The following PWWP2A variants were observed in gnomAD, a reference collection of about 807,000 sequenced individuals.
PWWP2A encodes the protein PWWP domain-containing protein 2A.
A neutral mutation model predicts 48.5 loss-of-function variants in PWWP2A; 18 were observed. That is an observed-to-expected ratio of 0.37 (90% confidence interval 0.26 to 0.55). The LOEUF (loss-of-function observed/expected upper bound fraction) is 0.55, where lower values mean the gene tolerates loss of function less well. Among genes scored for constraint, PWWP2A ranks in the 20% least tolerant of loss-of-function variants. PWWP2A has a pLI of 0.81. For missense variants in PWWP2A, 867 were observed against 976.4 expected, an observed-to-expected ratio of 0.89 and a Z score of 1.49; for synonymous variants, 396 against 387.7, an observed-to-expected ratio of 1.02 and a Z score of -0.25.
the PWWP2A span, among the ~76,000 whole-genome samples, chr5:160,046,087 C>T: frequency 6.6e-6 from 1 of 152,104 alleles, no homozygotes; most frequent in Non-Finnish European, 1.5e-5. Flanking sequence ...CCAATATTCT[C>T]CTTCAATTGC....
Position 160,093,183 on chromosome 5 carries a change from A to G in PWWP2A, c.1467T>C (p.Ser489=), listed in dbSNP as rs1278579689. The G allele has an allele frequency of 1.2e-6, 2 of 1,613,812 alleles. No individual in the cohort carries two copies. The highest frequency in any genetic ancestry group is 1.7e-6 in the Non-Finnish European group (2 of 1,179,886). ...QRYRNEENDS[S]LKTGLEKMRS... The stretch of plus-strand genomic sequence containing the variant: ...GCATTTTCTCAAGTCCTGTCTTCAG[A>G]GAAGAGTCATTTTCTTCATTCCTGT... The change falls in exon 2 of 2, where the codon TCT becomes TCC. Residue 489 remains serine (S), a synonymous_variant. Transcript: ENST00000307063. This position sits in a 1 kb window ranked among gnomAD's most constrained non-coding sequence, Gnocchi z 5.8.
chr5:160,103,852 T>C (rs1404776181), intron 1 of PWWP2A, among the ~76,000 whole-genome samples: 2 of 152,218 alleles, frequency 1.3e-5, no homozygotes, highest in East Asian at 1.9e-4. Context: ...CTGGGAGCAG[T>C]AGCTCATGCC....
chr5:160,073,580 T>C (rs1271732755), downstream of PWWP2A, among the ~76,000 whole-genome samples: 1 of 152,104 alleles, frequency 6.6e-6, no homozygotes, highest in African/African-American at 2.4e-5. Context: ...CAGCTGCTTC[T>C]ACAAACTTGC....
chr5:160,052,575 C>A, the PWWP2A span, among the ~76,000 whole-genome samples: 405 of 48,812 alleles, frequency 8.3e-3, no homozygotes, highest in Middle Eastern at 0.021. Context: ...AAAAAAAAAA[C>A]TGTTTGCATT....
At chr5:160,096,231 T>C (rs557266192) in intron 1 of PWWP2A, among the ~76,000 whole-genome samples, 3 of 152,310 alleles carry the variant, frequency 2.0e-5, no homozygotes, top group East Asian at 1.9e-4. Flanking sequence ...GCTTTTTTTT[T>C]ACCTACGGTA....
At chr5:160,073,004 C>CAAAAAAAAAAAAAAA (rs35836307), downstream of PWWP2A, among the ~76,000 whole-genome samples, 3 of 58,860 alleles carry the variant, frequency 5.1e-5, no homozygotes, top group African/African-American at 2.2e-4. Context: ...GGCTCCGTCT[C>CAAAAAAAAAAAAAAA]AAAAAAAAAA....
At chr5:160,106,167 T>C (rs1472613745) in intron 1 of PWWP2A, among the ~76,000 whole-genome samples, 1 of 152,228 alleles carries the variant, frequency 6.6e-6, no homozygotes, top group Non-Finnish European at 1.5e-5. Flanking sequence ...ATAAACTAAG[T>C]GGTATGGCGA....
intron 1 of PWWP2A, among the ~76,000 whole-genome samples, chr5:160,108,006 TA>T (rs1287636099): frequency 2.7e-5 from 4 of 147,152 alleles, no homozygotes; most frequent in East Asian, 4.0e-4. Flanking sequence ...ATCTCAAAAA[TA>T]AAAAAAAAGG....
At chr5:160,114,832 C>T (rs1320620687) in intron 1 of PWWP2A, among the ~76,000 whole-genome samples, 1 of 147,822 alleles carries the variant, frequency 6.8e-6, no homozygotes. Flanking sequence ...CCCATCTCTA[C>T]AAAAAATTTT....
At chr5:160,063,084 A>G (rs533791138) in intron 5 of PWWP2A, among the ~76,000 whole-genome samples, 15 of 152,286 alleles carry the variant, frequency 9.8e-5, no homozygotes, top group Admixed American at 7.2e-4. Flanking sequence ...CAGCCATCCC[A>G]GGTTCTGGGA....
chr5:160,071,300 T>G (rs886084981), downstream of PWWP2A, among the ~76,000 whole-genome samples: 2 of 152,138 alleles, frequency 1.3e-5, no homozygotes, highest in Non-Finnish European at 2.9e-5. Flanking sequence ...CAAGCTAGAA[T>G]CTAAGTTGGT....
intron 2 of PWWP2A, among the ~76,000 whole-genome samples, chr5:160,083,128 C>T (rs1289841132): frequency 6.6e-6 from 1 of 152,208 alleles, no homozygotes; most frequent in Non-Finnish European, 1.5e-5. Context: ...AGTATCTCAT[C>T]TTACAATAGC....
At chr5:160,090,782 A>G (rs1754998118), downstream of PWWP2A, 1 of 967,070 alleles carries the variant, frequency 1.0e-6, no homozygotes, top group South Asian at 4.8e-5. Flanking sequence ...TATTGAAATT[A>G]GATATCCAAA....
chr5:160,118,903 C>G lies in PWWP2A; in HGVS notation c.486G>C (p.Val162=). Residue 162 remains valine (V), a synonymous_variant, in exon 1 of 2, where the codon GTG becomes GTC. Transcript: ENST00000307063. ...TVSQLIPGSE[V]RVTLDHIIED... Reference sequence around the variant, plus strand: ...CAATGATGTGGTCCAGCGTGACCCGCACCTCCGAGCCCGGGATCAGTTGCG... The same window carrying G: ...CAATGATGTGGTCCAGCGTGACCCGGACCTCCGAGCCCGGGATCAGTTGCG... The G allele has an allele frequency of 6.2e-7, 1 of 1,602,042 alleles. No homozygotes were observed. The highest frequency in any genetic ancestry group is 1.1e-5 in the South Asian group (1 of 89,648).
chr5:160,070,856 A>G (rs1007962841), intron 2 of PWWP2A, among the ~76,000 whole-genome samples: 14 of 152,178 alleles, frequency 9.2e-5, no homozygotes, highest in African/African-American at 2.4e-4. Flanking sequence ...TGCAGTTCCT[A>G]CGACGTTTTA....
downstream of PWWP2A, chr5:160,089,783 C>T (rs910724346): frequency 5.1e-6 from 5 of 985,316 alleles, no homozygotes; most frequent in Admixed American, 6.1e-5. Flanking sequence ...AGCCAGTTTA[C>T]TCCCACTCCA....
intron 1 of PWWP2A, 83 bp downstream of exon 1, chr5:160,118,722 G>C (rs1036931518): frequency 1.6e-6 from 2 of 1,280,390 alleles, no homozygotes; most frequent in Non-Finnish European, 1.0e-6. Flanking sequence ...GGGAAGCGAG[G>C]GCTCGGGGAG....
At chr5:160,054,758 G>A in the PWWP2A span, among the ~76,000 whole-genome samples, 1 of 152,098 alleles carries the variant, frequency 6.6e-6, no homozygotes, top group African/African-American at 2.4e-5. Context: ...TTTGAAGTCA[G>A]GTTTCATATG....
At position 160,093,271 on chromosome 5, in the gene PWWP2A, C is replaced by T. The variant is rs754844749; in HGVS notation, c.1379G>A (p.Arg460His). 1.3e-5 allele frequency: 21 copies of T among 1,613,984 alleles called. No individual in the cohort carries two copies. Among genetic ancestry groups the T allele is most frequent in the South Asian group, 4.4e-5 (4 of 91,080 alleles). Residue 460 changes from arginine (R) to histidine (H), a missense_variant, in exon 2 of 2, where the codon CGT (arginine) becomes CAT (histidine). This residue lies in a region of PWWP2A where 382 missense variants were observed against 407.2 expected (regional missense o/e 0.94). Transcript: ENST00000307063. The surrounding 1 kb of genome is among the most constrained non-coding windows in gnomAD (Gnocchi z 5.8). ...ACCTGAGCTAGGATTCTGATATCGA[C>T]GTGTGAAATGGACTTTTGAATGTGC... ...KNAHSKVHFT[R>H]RYQNPSSGSL...
Sources: gnomAD v4.1 joint callset for allele counts (sites outside exome capture counted in the v4.1 genomes callset) on GRCh38, gnomAD v4.1.1 for gene constraint, gnomAD v4.1.1 regional missense constraint, Gnocchi (gnomAD v3.1) non-coding constraint, MANE v1.5 for transcripts, NCBI Gene and HGNC (gene_info 2026-07-23, HGNC 2026-07-21) for gene names.